GPC6: variants seen among roughly 807,000 people sequenced by gnomAD.
The protein encoded by GPC6 is glypican-6.
GPC6 carries 14 observed loss-of-function variants against 55.2 expected under a neutral mutation model. That is an observed-to-expected ratio of 0.25 (90% CI 0.17 to 0.40). GPC6 has a LOEUF of 0.40. Among genes scored for constraint, GPC6 ranks in the 10% least tolerant of loss-of-function variants. The pLI is 1.00. For missense variants in GPC6, 641 were observed against 708.5 expected, an observed-to-expected ratio of 0.90 and a Z score of 1.08; for synonymous variants, 278 against 259.6, an observed-to-expected ratio of 1.07 and a Z score of -0.68.
chr13:93,787,965 A>G (rs1189117719), intron 2 of GPC6, among the ~76,000 whole-genome samples: 2 of 152,202 alleles, frequency 1.3e-5, no homozygotes, highest in East Asian at 1.9e-4. Context: ...TAGAGCTGCC[A>G]GAGATTAGGA....
intron 6 of GPC6, among the ~76,000 whole-genome samples, chr13:94,355,027 CTT>C (rs5805858): frequency 0.012 from 1,801 of 145,682 alleles, 36 homozygotes; most frequent in African/African-American, 0.042. Context: ...AGTGGCTCTT[CTT>C]TTTTTTTTTT....
At chr13:93,859,046 G>GTC (rs981394504) in intron 3 of GPC6, among the ~76,000 whole-genome samples, 5 of 151,368 alleles carry the variant, frequency 3.3e-5, no homozygotes, top group Admixed American at 6.6e-5. Context: ...ATTAACTTAG[G>GTC]TCATCTCTTT....
chr13:93,850,575 C>T (rs1888357184), intron 3 of GPC6, among the ~76,000 whole-genome samples: 1 of 151,896 alleles, frequency 6.6e-6, no homozygotes, highest in Non-Finnish European at 1.5e-5. Context: ...GTATATGCAA[C>T]TGCTGCTGGG....
chr13:93,929,774 G>C (rs1878059400), intron 3 of GPC6, among the ~76,000 whole-genome samples: 1 of 151,254 alleles, frequency 6.6e-6, no homozygotes, highest in Non-Finnish European at 1.5e-5. Flanking sequence ...TTTAAATAAT[G>C]TATTTTTAAT....
chr13:94,000,927 T>C (rs1431418917), intron 3 of GPC6, among the ~76,000 whole-genome samples: 1 of 152,186 alleles, frequency 6.6e-6, no homozygotes, highest in Admixed American at 6.5e-5. Flanking sequence ...GGAGCTTGCA[T>C]AGTTTTCTTG....
chr13:94,130,737 C>T lies in GPC6; in HGVS notation c.877+102843C>T, dbSNP rs1477096584. 2.6e-5 allele frequency among the ~76,000 whole-genome samples: 4 copies of T among 152,104 alleles called. No individual in the cohort carries two copies. In the East Asian group the frequency reaches 7.8e-4, roughly 29 times the overall value. ...CAAAGAAAATGACCATGAAGTCATT[C>T]TGCTTTATTAAGAGTCCTCATAGGA... On this transcript the variant is annotated intron_variant, in intron 4 of 8. Coordinates refer to ENST00000377047, the MANE Select transcript of GPC6 (RefSeq NM_005708.5).
At chr13:93,426,494 T>C (rs1320842422) in intron 1 of GPC6, among the ~76,000 whole-genome samples, 2 of 151,088 alleles carry the variant, frequency 1.3e-5, no homozygotes, top group African/African-American at 4.9e-5. Context: ...GTGTTTGGTT[T>C]TTTTGTTCTT....
rs111757529 is a variant in GPC6 at position 94,086,937 on chromosome 13, A to G, written c.877+59043A>G. ...TTAGTGGTTCAGAAGTAAAACTGGT[A>G]GTTGCCTTGCCTTAAAAACTGGCCA... On this transcript the variant is annotated intron_variant, in intron 4 of 8. Coordinates refer to ENST00000377047, the MANE Select transcript of GPC6 (RefSeq NM_005708.5). 3.7e-3 allele frequency among the ~76,000 whole-genome samples: 561 copies of G among 152,334 alleles called. 4 individuals are homozygous for G. The highest frequency in any genetic ancestry group is 0.013 in the African/African-American group (521 of 41,584).
intron 4 of GPC6, among the ~76,000 whole-genome samples, chr13:94,279,048 T>C (rs2139074806): frequency 6.6e-6 from 1 of 152,334 alleles, no homozygotes; most frequent in Non-Finnish European, 1.5e-5. Context: ...AGAATTCGGC[T>C]GTGAATCTGT....
chr13:93,605,943 G>A (rs1197476419), intron 2 of GPC6, among the ~76,000 whole-genome samples: 1 of 148,460 alleles, frequency 6.7e-6, no homozygotes, highest in East Asian at 2.0e-4. Flanking sequence ...TCAATTTTTT[G>A]ATCTGTAAAA....
intron 1 of GPC6, among the ~76,000 whole-genome samples, chr13:93,338,168 G>T (rs1299979681): frequency 6.6e-6 from 1 of 152,136 alleles, no homozygotes; most frequent in Non-Finnish European, 1.5e-5. Flanking sequence ...CAAAACGAGT[G>T]ATTTCCACTG....
At chr13:94,178,717 A>T (rs1304598000) in intron 4 of GPC6, among the ~76,000 whole-genome samples, 1 of 152,184 alleles carries the variant, frequency 6.6e-6, no homozygotes, top group African/African-American at 2.4e-5. Flanking sequence ...AAGAGTTTCT[A>T]GTTTCCTTCC....
intron 4 of GPC6, among the ~76,000 whole-genome samples, chr13:94,102,842 A>G (rs1885915057): frequency 6.6e-6 from 1 of 152,084 alleles, no homozygotes; most frequent in South Asian, 2.1e-4. Flanking sequence ...TTGTAATCTC[A>G]TACAACTTAA....
At chr13:93,583,961 A>C (rs1877068617) in intron 2 of GPC6, among the ~76,000 whole-genome samples, 2 of 152,206 alleles carry the variant, frequency 1.3e-5, no homozygotes, top group African/African-American at 4.8e-5. Flanking sequence ...ATGTAAAATC[A>C]GGAGTGGTTC....
At chr13:93,498,882 T>C (rs1266266178) in intron 1 of GPC6, among the ~76,000 whole-genome samples, 1 of 152,180 alleles carries the variant, frequency 6.6e-6, no homozygotes, top group Non-Finnish European at 1.5e-5. Flanking sequence ...TATTTAAATC[T>C]TCTCATAGTT....
At chr13:93,477,364 C>T (rs535487014) in intron 1 of GPC6, among the ~76,000 whole-genome samples, 9 of 151,942 alleles carry the variant, frequency 5.9e-5, no homozygotes, top group Non-Finnish European at 1.2e-4. Flanking sequence ...AAGGAAGATC[C>T]CTCTTGACTT....
chr13:93,639,980 G>A (rs929032547), intron 2 of GPC6, among the ~76,000 whole-genome samples: 9 of 152,040 alleles, frequency 5.9e-5, no homozygotes, highest in Non-Finnish European at 1.3e-4. Context: ...GCAGATATCT[G>A]AAAATGTCAT....
intron 3 of GPC6, among the ~76,000 whole-genome samples, chr13:93,870,062 G>T (rs1426135261): frequency 6.6e-6 from 1 of 151,764 alleles, no homozygotes; most frequent in Non-Finnish European, 1.5e-5. Flanking sequence ...GAAGATTCAG[G>T]ATTTGAATCC....
intron 2 of GPC6, among the ~76,000 whole-genome samples, chr13:93,576,574 T>C (rs1410597092): frequency 6.6e-6 from 1 of 152,120 alleles, no homozygotes; most frequent in Non-Finnish European, 1.5e-5. Flanking sequence ...TCTATCTTGG[T>C]TGATTGAAAT....
Sources: allele counts gnomAD v4.1 joint callset (sites outside exome capture counted in the v4.1 genomes callset), GRCh38; gene constraint gnomAD v4.1.1; transcripts MANE v1.5; gene names NCBI Gene and HGNC (gene_info 2026-07-23, HGNC 2026-07-21).